The following NTNG1 variants were observed in gnomAD, a reference collection of about 807,000 sequenced individuals.
NTNG1 encodes netrin G1.
A neutral mutation model predicts 54.0 loss-of-function variants in NTNG1; 16 were observed. The ratio of observed to expected loss-of-function variants is 0.30; its 90% CI spans 0.20 to 0.45. The LOEUF (loss-of-function observed/expected upper bound fraction) is 0.45, where lower values mean the gene tolerates loss of function less well. Among genes scored for constraint, NTNG1 ranks in the 20% least tolerant of loss-of-function variants. NTNG1 has a pLI of 1.00. For missense variants in NTNG1, 530 were observed against 678.7 expected (o/e 0.78, Z 2.43); for synonymous variants, 255 against 263.1 (o/e 0.97, Z 0.30).
At chr1:107,304,566 C>G (rs968868844) in intron 2 of NTNG1, among the ~76,000 whole-genome samples, 1 of 152,092 alleles carries the variant, frequency 6.6e-6, no homozygotes, top group African/African-American at 2.4e-5. Flanking sequence ...TGAGAAATCT[C>G]CAATTATTTT....
chr1:107,329,962 T>A (rs1668185494), intron 3 of NTNG1, among the ~76,000 whole-genome samples: 1 of 152,092 alleles, frequency 6.6e-6, no homozygotes, highest in Non-Finnish European at 1.5e-5. Flanking sequence ...ATATTCAAAG[T>A]GCTGTGGTAG....
chr1:107,236,889 C>T (rs949643319), intron 2 of NTNG1, among the ~76,000 whole-genome samples: 1 of 152,076 alleles, frequency 6.6e-6, no homozygotes, highest in Non-Finnish European at 1.5e-5. Context: ...TGTAAATTGC[C>T]CAGTCTCAGG....
Position 107,436,755 on chromosome 1 carries a change from G to A in NTNG1, c.1346G>A (p.Cys449Tyr). 6.2e-7 allele frequency: 1 copy of A among 1,613,552 alleles called. No individual in the cohort carries two copies. The highest frequency in any genetic ancestry group is 8.5e-7 in the Non-Finnish European group (1 of 1,179,626). Residue 449 changes from cysteine (C) to tyrosine (Y), a missense_variant, in exon 7 of 8, where the codon TGT (cysteine) becomes TAT (tyrosine). Physicochemically the swap from Cys to Tyr is radical, Grantham distance 194. Around this residue, in one of 2 missense-constraint regions of NTNG1, gnomAD observed 212 missense variants for 213.6 expected, o/e 0.99. Coordinates refer to ENST00000370068, the MANE Select transcript of NTNG1 (RefSeq NM_001113226.3). ...AAGACTGGAACAACAGGGCCTAAGTGTGATGAGTGTCTGCCGGGAAATTCC... is the reference window on the plus strand; with the variant it reads ...AAGACTGGAACAACAGGGCCTAAGTATGATGAGTGTCTGCCGGGAAATTCC... ...ECKTGTTGPK[C>Y]DECLPGNSWH...
intron 2 of NTNG1, among the ~76,000 whole-genome samples, chr1:107,248,974 C>T (rs991434071): frequency 5.4e-5 from 8 of 148,622 alleles, no homozygotes; most frequent in Non-Finnish European, 1.0e-4. Flanking sequence ...CATGGTGAAA[C>T]TCTGTCTCTA....
intron 2 of NTNG1, among the ~76,000 whole-genome samples, chr1:107,283,867 C>A (rs571114441): frequency 1.8e-4 from 27 of 152,298 alleles, no homozygotes; most frequent in African/African-American, 6.0e-4. Flanking sequence ...TTCAGTTATT[C>A]ATTTGCATGC....
At chr1:107,336,258 T>C (rs187217373) in intron 3 of NTNG1, among the ~76,000 whole-genome samples, 86 of 151,432 alleles carry the variant, frequency 5.7e-4, no homozygotes, top group African/African-American at 2.0e-3. Context: ...GACATAAAGA[T>C]AGACATACGA....
chr1:107,383,843 C>T (rs1671787393), intron 3 of NTNG1, among the ~76,000 whole-genome samples: 1 of 152,226 alleles, frequency 6.6e-6, no homozygotes, highest in African/African-American at 2.4e-5. Flanking sequence ...CTTTCTGTTT[C>T]CTCAAAAGGA....
At chr1:107,442,420 AAG>A (rs1676023253) in intron 7 of NTNG1, among the ~76,000 whole-genome samples, 1 of 152,132 alleles carries the variant, frequency 6.6e-6, no homozygotes, top group Non-Finnish European at 1.5e-5. Flanking sequence ...CTATAAAAAA[AAG>A]AGAGACCTCT....
At chr1:107,372,277 T>C (rs2100995947) in intron 3 of NTNG1, among the ~76,000 whole-genome samples, 1 of 152,180 alleles carries the variant, frequency 6.6e-6, no homozygotes, top group East Asian at 1.9e-4. Flanking sequence ...GGAAATTGAT[T>C]TGAGGCTTTC....
chr1:107,453,415 T>G (rs1231974982), intron 7 of NTNG1, among the ~76,000 whole-genome samples: 1 of 152,220 alleles, frequency 6.6e-6, no homozygotes, highest in African/African-American at 2.4e-5. Flanking sequence ...GCATTTCATT[T>G]TAAGAGAAGA....
chr1:107,466,171 G>C (rs1002183159), intron 7 of NTNG1, among the ~76,000 whole-genome samples: 1 of 151,828 alleles, frequency 6.6e-6, no homozygotes, highest in Non-Finnish European at 1.5e-5. Context: ...AGCCATGGAA[G>C]ATTGTGAGGG....
chr1:107,365,265 TC>T (rs750679819), intron 3 of NTNG1, among the ~76,000 whole-genome samples: 6 of 152,188 alleles, frequency 3.9e-5, no homozygotes, highest in Non-Finnish European at 7.4e-5. Flanking sequence ...TGAGATATTG[TC>T]TTTTTTCACA....
At chr1:107,208,546 GCCC>G (rs1659370343) in intron 2 of NTNG1, among the ~76,000 whole-genome samples, 1 of 151,798 alleles carries the variant, frequency 6.6e-6, no homozygotes, top group Non-Finnish European at 1.5e-5. Flanking sequence ...ACACACCTAC[GCCC>G]CATGTCTCAC....
intron 5 of NTNG1, among the ~76,000 whole-genome samples, chr1:107,424,861 G>T (rs2101273700): frequency 6.6e-6 from 1 of 152,238 alleles, no homozygotes; most frequent in African/African-American, 2.4e-5. Context: ...GGAATGGCCT[G>T]CATATAGACC....
intron 2 of NTNG1, among the ~76,000 whole-genome samples, chr1:107,224,831 A>G (rs1451245958): frequency 6.6e-6 from 1 of 152,170 alleles, no homozygotes; most frequent in African/African-American, 2.4e-5. Flanking sequence ...CTGAATCTGT[A>G]GCTGTTAGAA....
intron 2 of NTNG1, among the ~76,000 whole-genome samples, chr1:107,233,682 A>G (rs10159449): frequency 0.1 from 15,155 of 152,242 alleles, 929 homozygotes; most frequent in African/African-American, 0.17. Context: ...GCTTTCAAAT[A>G]CAATGATTAG....
At chr1:107,336,496 T>A (rs1183501890) in intron 3 of NTNG1, among the ~76,000 whole-genome samples, 1 of 151,726 alleles carries the variant, frequency 6.6e-6, no homozygotes, top group African/African-American at 2.4e-5. Context: ...AAGACCTAAA[T>A]GTAAGAGCTA....
At chr1:107,155,840 G>T (rs529054901) in intron 2 of NTNG1, among the ~76,000 whole-genome samples, 1 of 152,112 alleles carries the variant, frequency 6.6e-6, no homozygotes, top group Non-Finnish European at 1.5e-5. Context: ...TACTACAGAG[G>T]TCTCATGAGA....
At chr1:107,176,796 T>C (rs905273986) in intron 2 of NTNG1, among the ~76,000 whole-genome samples, 16 of 152,210 alleles carry the variant, frequency 1.1e-4, no homozygotes, top group African/African-American at 3.9e-4. Flanking sequence ...TGTTATTTGC[T>C]TAGTTTGGTG....
Sources: allele counts gnomAD v4.1 joint callset (sites outside exome capture counted in the v4.1 genomes callset), GRCh38; gene constraint gnomAD v4.1.1; regional missense constraint gnomAD v4.1.1; transcripts MANE v1.5; gene names NCBI Gene and HGNC (gene_info 2026-07-23, HGNC 2026-07-21).